The following APBB1IP variants were observed in gnomAD, a reference collection of about 807,000 sequenced individuals.
APBB1IP encodes the protein amyloid beta A4 precursor protein-binding family B member 1-interacting protein.
A neutral mutation model predicts 64.9 loss-of-function variants in APBB1IP; 27 were observed. The observed-to-expected ratio is 0.42, with a 90% CI of 0.31 to 0.57. The LOEUF is 0.57. Among genes scored for constraint, APBB1IP ranks in the 20% least tolerant of loss-of-function variants. APBB1IP has a pLI of 0.20. For missense variants in APBB1IP, 812 were observed against 845.5 expected, an observed-to-expected ratio of 0.96 and a Z score of 0.49; for synonymous variants, 392 against 331.0, an observed-to-expected ratio of 1.18 and a Z score of -2.00.
At chr10:26,518,490 G>T (rs901443699) in intron 8 of APBB1IP, among the ~76,000 whole-genome samples, 55 of 152,256 alleles carry the variant, frequency 3.6e-4, no homozygotes, top group African/African-American at 1.3e-3. Context: ...AGTAGATACT[G>T]CCAAGCAGCT....
chr10:26,552,568 T>C (rs1170438921), intron 11 of APBB1IP, among the ~76,000 whole-genome samples: 1 of 148,832 alleles, frequency 6.7e-6, no homozygotes, highest in Non-Finnish European at 1.5e-5. Flanking sequence ...TGTTGCACTG[T>C]GGCCTGGGCA....
intron 11 of APBB1IP, among the ~76,000 whole-genome samples, chr10:26,543,403 G>A (rs918408656): frequency 6.6e-6 from 1 of 150,814 alleles, no homozygotes; most frequent in Non-Finnish European, 1.5e-5. Flanking sequence ...GGAGGCGGAG[G>A]TTGCAGTGAG....
intron 2 of APBB1IP, among the ~76,000 whole-genome samples, chr10:26,444,355 C>T (rs1334354703): frequency 6.6e-6 from 1 of 152,126 alleles, no homozygotes; most frequent in African/African-American, 2.4e-5. Flanking sequence ...GGGGCCATTG[C>T]AGGATTCTGA....
chr10:26,531,450 G>A (rs188759946), intron 8 of APBB1IP, among the ~76,000 whole-genome samples: 101 of 152,246 alleles, frequency 6.6e-4, no homozygotes, highest in Admixed American at 6.4e-3. Flanking sequence ...GGCGGATCAC[G>A]AGGTCAGGAG....
chr10:26,548,810 T>C (rs191410872), intron 11 of APBB1IP, among the ~76,000 whole-genome samples: 2 of 152,326 alleles, frequency 1.3e-5, no homozygotes, highest in Admixed American at 1.3e-4. Flanking sequence ...GACTTCCTCC[T>C]TTCCAATTTG....
At chr10:26,444,252 T>C (rs1006987900) in intron 2 of APBB1IP, among the ~76,000 whole-genome samples, 2 of 151,986 alleles carry the variant, frequency 1.3e-5, no homozygotes, top group African/African-American at 4.8e-5. Flanking sequence ...ACAGATGTGG[T>C]TGGAGAAGTA....
At chr10:26,486,022 G>A (rs2132425824) in intron 2 of APBB1IP, among the ~76,000 whole-genome samples, 1 of 152,176 alleles carries the variant, frequency 6.6e-6, no homozygotes, top group East Asian at 1.9e-4. Flanking sequence ...TTGAGCCCAG[G>A]AGTTTGAGAC....
chr10:26,497,408 C>T (rs981250993), intron 4 of APBB1IP, among the ~76,000 whole-genome samples: 1 of 150,354 alleles, frequency 6.7e-6, no homozygotes, highest in Non-Finnish European at 1.5e-5. Context: ...AAAATTAGCC[C>T]GGTGTGGTGG....
chr10:26,473,923 A>C (rs1835747326), intron 2 of APBB1IP, among the ~76,000 whole-genome samples: 1 of 150,822 alleles, frequency 6.6e-6, no homozygotes, highest in South Asian at 2.1e-4. Flanking sequence ...AATTGCTTGA[A>C]CGCCGGAGGC....
intron 2 of APBB1IP, among the ~76,000 whole-genome samples, chr10:26,484,621 G>GA (rs1488683413): frequency 1.3e-5 from 2 of 151,998 alleles, no homozygotes; most frequent in African/African-American, 4.8e-5. Context: ...GAACTTACAT[G>GA]AAAAATAGTG....
intron 7 of APBB1IP, among the ~76,000 whole-genome samples, 196 bp from the exon 8 acceptor site, chr10:26,513,343 A>G (rs1453385816): frequency 6.6e-6 from 1 of 152,234 alleles, no homozygotes; most frequent in Non-Finnish European, 1.5e-5. Flanking sequence ...CATCTTGTTT[A>G]TAATGGAAGA....
chr10:26,500,929 C>G lies in APBB1IP; in HGVS notation c.271C>G (p.Gln91Glu), dbSNP rs1446229853. Residue 91 changes from glutamine (Q) to glutamate (E), a missense_variant, in exon 5 of 15, where the codon CAG becomes GAG. Gln to Glu is a conservative substitution (Grantham distance 29). This residue lies in a region of APBB1IP where 394 missense variants were observed against 413.1 expected (regional missense o/e 0.95). Transcript: ENST00000376236. ...AATCCAGGCACAGAAAGAGTCCTTGCAGAATCAACATCATTCAGCATCTCT... is the reference window on the plus strand; with the variant it reads ...AATCCAGGCACAGAAAGAGTCCTTGGAGAATCAACATCATTCAGCATCTCT... ...RTIQAQKESL[Q>E]NQHHSASLQA... 1.9e-6 allele frequency: 3 copies of G among 1,614,046 alleles called. No homozygotes were observed. In the African/African-American group the frequency reaches 4.0e-5, roughly 22 times the overall value.
intron 10 of APBB1IP, among the ~76,000 whole-genome samples, chr10:26,540,203 T>C (rs1836680321): frequency 6.6e-6 from 1 of 152,354 alleles, no homozygotes; most frequent in Admixed American, 6.5e-5. Flanking sequence ...ACCTGTACCG[T>C]AGAATTCTCT....
At position 26,486,159 on chromosome 10, in the gene APBB1IP, C is replaced by T. The variant is rs145000547; in HGVS notation, c.1-6168C>T. ...AAATTAGGAAGGACTTTGAAAGACA[C>T]GCTGAGTGCCTGAACGCTCTCCACT... On this transcript the variant is annotated intron_variant, in intron 2 of 14. Transcript: ENST00000376236. Among the ~76,000 whole-genome samples, 50 of 152,280 alleles carry T rather than the reference C, an allele frequency of 3.3e-4. No individual in the cohort carries two copies. The East Asian group carries it at 9.1e-3, about 28-fold the overall frequency.
chr10:26,446,065 A>G (rs1835394864), intron 2 of APBB1IP, among the ~76,000 whole-genome samples: 1 of 147,818 alleles, frequency 6.8e-6, no homozygotes, highest in Non-Finnish European at 1.5e-5. Context: ...CACCTCAGAA[A>G]GAAAAGAACA....
rs1835520664 is a variant in APBB1IP at position 26,456,011 on chromosome 10, T to C, written c.-1+17158T>C. Among the ~76,000 whole-genome samples the C allele has an allele frequency of 2.0e-5, 3 of 152,194 alleles. No homozygotes were observed. The South Asian group carries it at 6.2e-4, about 31-fold the overall frequency. On this transcript the variant is annotated intron_variant, in intron 2 of 14. Transcript: ENST00000376236. ...AGCCAGACACAAAAGACCACATTAATGTATCATCCCATTGATAGGAAATGT... is the reference window on the plus strand; with the variant it reads ...AGCCAGACACAAAAGACCACATTAACGTATCATCCCATTGATAGGAAATGT...
intron 11 of APBB1IP, among the ~76,000 whole-genome samples, chr10:26,556,590 T>C (rs1180776612): frequency 1.3e-5 from 2 of 152,258 alleles, no homozygotes; most frequent in Non-Finnish European, 2.9e-5. Flanking sequence ...CATTTTGCTC[T>C]ATTTCAATGA....
chr10:26,495,339 A>T (rs899465675), intron 3 of APBB1IP, among the ~76,000 whole-genome samples: 1 of 149,226 alleles, frequency 6.7e-6, no homozygotes, highest in East Asian at 2.0e-4. Flanking sequence ...TTCTCCTCCT[A>T]TGGTGGAGGA....
At chr10:26,447,243 T>C (rs1422340565) in intron 2 of APBB1IP, among the ~76,000 whole-genome samples, 5 of 151,156 alleles carry the variant, frequency 3.3e-5, no homozygotes, top group Non-Finnish European at 7.4e-5. Context: ...GGCATGGTGG[T>C]GGGTGCCTGT....
Sources: allele counts gnomAD v4.1 joint callset (sites outside exome capture counted in the v4.1 genomes callset), GRCh38; gene constraint gnomAD v4.1.1; regional missense constraint gnomAD v4.1.1; transcripts MANE v1.5; gene names NCBI Gene and HGNC (gene_info 2026-07-23, HGNC 2026-07-21).